Variants in RNGTT observed in about 807,000 individuals in gnomAD.
RNGTT encodes the protein mRNA-capping enzyme.
In RNGTT, 33 loss-of-function variants were observed where a neutral mutation model predicts 79.3. The ratio of observed to expected loss-of-function variants is 0.42; its 90% confidence interval spans 0.32 to 0.56. RNGTT has a LOEUF of 0.56. RNGTT is among the 20% of genes least tolerant of loss of function. The pLI, the probability that RNGTT is intolerant of heterozygous loss-of-function variation, is 0.17. For synonymous variants in RNGTT, 222 were observed against 235.9 expected, an observed-to-expected ratio of 0.94 and a Z score of 0.54; for missense variants, 497 against 739.1, an observed-to-expected ratio of 0.67 and a Z score of 3.80.
chr6:88,612,617 A>G lies in RNGTT; in HGVS notation c.*102T>C. 1.6e-6 allele frequency: 2 copies of G among 1,286,292 alleles called. No individual in the cohort carries two copies. Among genetic ancestry groups the G allele is most frequent in the South Asian group, 2.8e-5 (2 of 70,706 alleles). The allele number at this position is 1,286,292 out of a possible 1,614,324, so 79.7% of individuals were successfully genotyped here. ...AAAAAAAATTCAAATGTGTATCAAC[A>G]TCAAGCCACAGTCGTTTTTCAATTT... is the stretch of plus-strand genomic sequence containing the variant. On this transcript the variant is annotated 3_prime_UTR_variant, in exon 16 of 16. Transcript: ENST00000369485.
intron 2 of RNGTT, among the ~76,000 whole-genome samples, chr6:88,940,098 CAG>C (rs1173419172): frequency 7.0e-6 from 1 of 143,486 alleles, no homozygotes; most frequent in African/African-American, 2.6e-5. Flanking sequence ...TTTTTTGAGA[CAG>C]AGTCTCACTC....
rs185688921 is a variant in RNGTT at position 88,922,010 on chromosome 6, C to G, written c.367+6975G>C. Among the ~76,000 whole-genome samples the G allele has an allele frequency of 2.7e-3, 417 of 152,016 alleles. 7 individuals are homozygous for G. Among genetic ancestry groups the G allele is most frequent in the African/African-American group, 9.8e-3 (407 of 41,502 alleles). On this transcript the variant is annotated intron_variant, in intron 4 of 15. Coordinates refer to ENST00000369485, the MANE Select transcript of RNGTT (RefSeq NM_003800.5). ...TTGGTATCTGAGGGGGATCCTAGAA[C>G]CAATCCCCTGAGGAGTCTGAGGAAC...
Position 88,906,553 on chromosome 6 carries a change from A to AT in RNGTT, c.368-114dup, listed in dbSNP as rs1366157851. On this transcript the variant is annotated intron_variant, in intron 4 of 15. Transcript: ENST00000369485. ...TTCAGCTAGTTTATAAAATAATTAC[A>AT]TTTTTTAATTTTTTAACTTGAAACA... 4 of 593,416 alleles carry AT rather than the reference A, an allele frequency of 6.7e-6. No homozygotes were observed. In the East Asian group the frequency reaches 8.9e-5, roughly 13 times the overall value. The allele number at this position is 593,416 out of a possible 1,614,324, so 36.8% of individuals were successfully genotyped here.
intron 13 of RNGTT, among the ~76,000 whole-genome samples, chr6:88,704,744 G>A (rs1776073644): frequency 6.6e-6 from 1 of 151,988 alleles, no homozygotes; most frequent in African/African-American, 2.4e-5. Flanking sequence ...CATTCAACAT[G>A]GTCTGCTTCT....
At chr6:88,769,263 C>T (rs1387560796) in intron 13 of RNGTT, among the ~76,000 whole-genome samples, 1 of 152,050 alleles carries the variant, frequency 6.6e-6, no homozygotes, top group Non-Finnish European at 1.5e-5. Context: ...CAGGCTCAAA[C>T]AATCCTCCCA....
chr6:88,826,436 T>C (rs979328054), intron 11 of RNGTT, among the ~76,000 whole-genome samples: 2 of 152,302 alleles, frequency 1.3e-5, no homozygotes, highest in African/African-American at 4.8e-5. Context: ...AATTCAATAA[T>C]AACACACAAG....
At chr6:88,695,599 C>T (rs1775634892) in intron 13 of RNGTT, among the ~76,000 whole-genome samples, 1 of 152,040 alleles carries the variant, frequency 6.6e-6, no homozygotes, top group South Asian at 2.1e-4. Flanking sequence ...GAGGTTCCTC[C>T]AAAAACTAAA....
chr6:88,850,336 G>C (rs1303896337), intron 9 of RNGTT, among the ~76,000 whole-genome samples: 1 of 151,628 alleles, frequency 6.6e-6, no homozygotes, highest in East Asian at 1.9e-4. Context: ...TTGTTCAAAG[G>C]GAACAGGGCA....
intron 6 of RNGTT, among the ~76,000 whole-genome samples, chr6:88,900,543 G>A (rs1246744208): frequency 6.6e-6 from 1 of 151,952 alleles, no homozygotes. Flanking sequence ...ACACAAGCCT[G>A]GCCAACATGG....
In RNGTT at chr6:88,844,432, A is replaced by G. The variant is rs1469604373; in HGVS notation, c.1194T>C (p.Thr398=). 4 of 1,614,084 alleles carry G rather than the reference A, an allele frequency of 2.5e-6. 1 individual carries two copies. Among genetic ancestry groups the G allele is most frequent in the Middle Eastern group, 3.3e-4 (2 of 6,060 alleles). ...IISPRHEKMK[T]GLIDKTQEPF... Reference sequence around the variant, plus strand: ...GTTCCTGTGTTTTGTCAATGAGCCCAGTCTTCATTTTTTCGTGTCGAGGAC... The same window carrying G: ...GTTCCTGTGTTTTGTCAATGAGCCCGGTCTTCATTTTTTCGTGTCGAGGAC... Residue 398 remains threonine, a synonymous_variant, in exon 11 of 16, where the codon ACT becomes ACC. Coordinates refer to ENST00000369485, the MANE Select transcript of RNGTT (RefSeq NM_003800.5).
At chr6:88,944,458 C>T (rs1467799409) in intron 1 of RNGTT, among the ~76,000 whole-genome samples, 1 of 152,072 alleles carries the variant, frequency 6.6e-6, no homozygotes, top group African/African-American at 2.4e-5. Context: ...TCAGCCCATA[C>T]TCCTCCTCCC....
chr6:88,942,944 G>A (rs921564681), intron 1 of RNGTT, among the ~76,000 whole-genome samples: 1 of 151,998 alleles, frequency 6.6e-6, no homozygotes, highest in African/African-American at 2.4e-5. Flanking sequence ...TATCCTCCTG[G>A]TTTTCCTTCT....
intron 13 of RNGTT, among the ~76,000 whole-genome samples, chr6:88,761,629 G>C (rs1488376240): frequency 6.6e-6 from 1 of 152,118 alleles, no homozygotes; most frequent in African/African-American, 2.4e-5. Flanking sequence ...ATAGTCTACA[G>C]GCCACATCTG....
At chr6:88,899,108 G>GA (rs1337748371) in intron 6 of RNGTT, among the ~76,000 whole-genome samples, 1 of 149,084 alleles carries the variant, frequency 6.7e-6, no homozygotes, top group South Asian at 2.1e-4. Context: ...ATTATGGTTT[G>GA]AAAAAAGAAA....
At chr6:88,921,537 T>C (rs1478154171) in intron 4 of RNGTT, among the ~76,000 whole-genome samples, 2 of 152,124 alleles carry the variant, frequency 1.3e-5, no homozygotes, top group African/African-American at 2.4e-5. Flanking sequence ...CTGAAACCCT[T>C]AGAACCAGAT....
At chr6:88,866,081 G>A (rs758079550) in intron 8 of RNGTT, among the ~76,000 whole-genome samples, 19 of 152,190 alleles carry the variant, frequency 1.2e-4, no homozygotes, top group African/African-American at 2.2e-4. Flanking sequence ...GAAGTGCAAC[G>A]AGCAAATTAT....
In RNGTT at chr6:88,819,439, T is replaced by G. The variant is rs146382264; in HGVS notation, c.1270-17807A>C. On this transcript the variant is annotated intron_variant, in intron 11 of 15. Coordinates refer to ENST00000369485, the MANE Select transcript of RNGTT (RefSeq NM_003800.5). ...AGAGCTCATGCAGCTAATAAACACA[T>G]GTGCCACAAAACAACCATCCAAACA... 2.5e-3 allele frequency among the ~76,000 whole-genome samples: 378 copies of G among 152,298 alleles called. 2 individuals are homozygous for G. Among genetic ancestry groups the G allele is most frequent in the African/African-American group, 8.7e-3 (360 of 41,568 alleles).
intron 14 of RNGTT, among the ~76,000 whole-genome samples, chr6:88,636,920 T>C (rs1773121088): frequency 6.6e-6 from 1 of 151,986 alleles, no homozygotes; most frequent in Non-Finnish European, 1.5e-5. Context: ...TAAAGAACTT[T>C]GAAAAAGGTG....
intron 14 of RNGTT, among the ~76,000 whole-genome samples, chr6:88,675,340 T>C (rs1483069404): frequency 1.3e-5 from 2 of 152,148 alleles, no homozygotes; most frequent in African/African-American, 4.8e-5. Flanking sequence ...GCAAGACAAG[T>C]ATGTCTGTTC....
Sources: gnomAD v4.1 joint callset for allele counts (sites outside exome capture counted in the v4.1 genomes callset) on GRCh38, gnomAD v4.1.1 for gene constraint, MANE v1.5 for transcripts, NCBI Gene and HGNC (gene_info 2026-07-23, HGNC 2026-07-21) for gene names.